The following AVIL variants were observed in gnomAD, a reference collection of about 807,000 sequenced individuals.
AVIL encodes advillin.
A neutral mutation model predicts 109.9 loss-of-function variants in AVIL; 78 were observed. That is an observed-to-expected ratio of 0.71 (90% CI 0.59 to 0.86). The LOEUF (loss-of-function observed/expected upper bound fraction) is 0.86. Ranked by LOEUF, AVIL falls within the 40% of genes least tolerant of loss-of-function variation. The pLI is 0.00. For missense variants in AVIL, 892 were observed against 1,016.5 expected (o/e 0.88, Z 1.67); for synonymous variants, 367 against 379.1 (o/e 0.97, Z 0.37).
Position 57,807,663 on chromosome 12 carries a change from C to G in AVIL, c.1259G>C (p.Gly420Ala), listed in dbSNP as rs1209027562. Residue 420 changes from glycine to alanine, a missense_variant, in exon 12 of 20, where the codon GGG becomes GCG. Gly to Ala is a moderately conservative substitution (Grantham distance 60). Transcript: ENST00000549994. Reference protein sequence around the residue: ...VEYQWYGFFYGGDCYLVLYTY... With the variant: ...VEYQWYGFFYAGDCYLVLYTY... ...GTAGAGGACCAGATAACAGTCTCCC[C>G]CATAAAAGAAGCCATACCATTGATA... is the stretch of plus-strand genomic sequence containing the variant. 1.2e-6 allele frequency: 2 copies of G among 1,614,042 alleles called. No homozygotes were observed. The highest frequency in any genetic ancestry group is 2.7e-5 in the African/African-American group (2 of 74,928).
chr12:57,808,169 C>T, intron 11 of AVIL, 25 bp downstream of exon 11: 1 of 1,611,008 alleles, frequency 6.2e-7, no homozygotes, highest in Non-Finnish European at 8.5e-7. Flanking sequence ...GCTGTCTGCC[C>T]TGACATTTGA....
chr12:57,808,086 G>A (rs1168475120), intron 11 of AVIL, 108 bp downstream of exon 11: 13 of 1,296,796 alleles, frequency 1.0e-5, no homozygotes, highest in African/African-American at 4.4e-5. Context: ...GGTGCCGGAG[G>A]GGAAAGGGAA....
At chr12:57,801,434 A>G (rs1955846203) in intron 17 of AVIL, 2 of 382,236 alleles carry the variant, frequency 5.2e-6, no homozygotes, top group South Asian at 2.8e-5. Context: ...TCCTCCCAAT[A>G]AGATTTAAGA....
chr12:57,805,562 T>C (rs1042441403), intron 14 of AVIL, among the ~76,000 whole-genome samples: 1 of 150,774 alleles, frequency 6.6e-6, no homozygotes, highest in African/African-American at 2.4e-5. Context: ...AGATGGAGTT[T>C]CACTCTTGTT....
intron 3 of AVIL, 61 bp from the exon 4 acceptor site, chr12:57,813,484 CCT>C (rs755923606): frequency 9.9e-6 from 15 of 1,516,656 alleles, no homozygotes; most frequent in African/African-American, 1.4e-5. Flanking sequence ...GCTGCTGGCC[CCT>C]GTTATGGGGA....
chr12:57,799,703 G>T, intron 19 of AVIL, 92 bp downstream of exon 19: 1 of 1,554,184 alleles, frequency 6.4e-7, no homozygotes. Context: ...CGGCTACAAT[G>T]TGCCGGAGCT....
intron 14 of AVIL, among the ~76,000 whole-genome samples, chr12:57,805,455 A>G (rs911679008): frequency 1.3e-5 from 2 of 151,870 alleles, no homozygotes; most frequent in African/African-American, 4.8e-5. Context: ...CCAAATTCAC[A>G]TGGGAAGATT....
intron 16 of AVIL, chr12:57,802,717 G>A: frequency 1.6e-6 from 1 of 606,672 alleles, no homozygotes; most frequent in Non-Finnish European, 2.9e-6. Flanking sequence ...TTTGATAGGT[G>A]GTATCTATCT....
At chr12:57,813,054 G>A (rs1466001446) in intron 4 of AVIL, among the ~76,000 whole-genome samples, 173 bp downstream of exon 4, 1 of 152,198 alleles carries the variant, frequency 6.6e-6, no homozygotes, top group Non-Finnish European at 1.5e-5. Context: ...CCATAGCCTT[G>A]CCAACACTTG....
chr12:57,811,027 C>T lies in AVIL; in HGVS notation c.439G>A (p.Ala147Thr), dbSNP rs376649962. Residue 147 changes from alanine (A) to threonine (T), a missense_variant, in exon 5 of 20, where the codon GCT becomes ACT. Physicochemically the swap from Ala to Thr is moderately conservative, Grantham distance 58 (BLOSUM62 0). Transcript: ENST00000549994. Reference protein sequence around the residue: ...LHVKGKRNIRATEVEMSWDSF... With the variant: ...LHVKGKRNIRTTEVEMSWDSF... ...GAGTGTGCAGGACTAACCTCGGTAGCCCTGATGTTTCTTTTCCCTTTCACA... is the reference window on the plus strand; with the variant it reads ...GAGTGTGCAGGACTAACCTCGGTAGTCCTGATGTTTCTTTTCCCTTTCACA... 6.8e-6 allele frequency: 11 copies of T among 1,614,058 alleles called. No individual in the cohort carries two copies. In the Admixed American group the frequency reaches 8.3e-5, roughly 12 times the overall value.
chr12:57,808,633 C>T lies in AVIL; in HGVS notation c.940-85G>A, dbSNP rs562738273. On this transcript the variant is annotated intron_variant, in intron 9 of 19. Transcript: ENST00000549994. ...TGTCTGGTAATTCACCTCTATGAAG[C>T]CACATGATATAAGCGTCTCCCCTCT... 5 of 1,506,516 alleles carry T rather than the reference C, an allele frequency of 3.3e-6. No individual in the cohort carries two copies. In the East Asian group the frequency reaches 1.2e-4, roughly 35 times the overall value. The allele number at this position is 1,506,516 out of a possible 1,614,324, so 93.3% of individuals were successfully genotyped here. A position where few individuals can be genotyped will look rare whatever the true frequency, so the allele number is the denominator to read the frequency against.
intron 4 of AVIL, 102 bp downstream of exon 4, chr12:57,813,125 T>C: frequency 7.2e-7 from 1 of 1,382,058 alleles, no homozygotes; most frequent in South Asian, 1.4e-5. Flanking sequence ...TTGTTTTGAT[T>C]TGCATTTCTC....
intron 14 of AVIL, among the ~76,000 whole-genome samples, chr12:57,805,578 G>A (rs1409321821): frequency 6.6e-6 from 1 of 150,892 alleles, no homozygotes. Flanking sequence ...TTGTTGCCCA[G>A]GCTGGAGTGC....
Position 57,799,937 on chromosome 12 carries a change from T to G in AVIL, c.2221-17A>C. 6.2e-7 allele frequency: 1 copy of G among 1,613,978 alleles called. No individual in the cohort carries two copies. The highest frequency in any genetic ancestry group is 8.5e-7 in the Non-Finnish European group (1 of 1,179,832). On this transcript the variant is annotated splice_polypyrimidine_tract_variant and intron_variant, in intron 18 of 19. Transcript: ENST00000549994. Reference sequence around the variant, plus strand: ...CTTCATGTCCTAGGTAAGATAAGAATGTAGGCACAGGGAAAAGACTCCTCA... The same window carrying G: ...CTTCATGTCCTAGGTAAGATAAGAAGGTAGGCACAGGGAAAAGACTCCTCA...
intron 4 of AVIL, 150 bp from the exon 5 acceptor site, chr12:57,811,277 T>C (rs1956034995): frequency 3.2e-5 from 23 of 710,436 alleles, no homozygotes; most frequent in Middle Eastern, 7.4e-4. Flanking sequence ...GCCCCACAAG[T>C]AGACTGGGTG....
In AVIL at chr12:57,798,643, T is replaced by G. The variant is rs577741114; in HGVS notation, c.2347-648A>C. On this transcript the variant is annotated intron_variant, in intron 19 of 19. Coordinates refer to ENST00000549994, the MANE Select transcript of AVIL (RefSeq NM_006576.4). The stretch of plus-strand genomic sequence containing the variant: ...TTCTTTTTTTTTTTTTTGAGACAGA[T>G]TCTTGCTTTGTGGCCCAGGCTGGAG... 2.3e-4 allele frequency among the ~76,000 whole-genome samples: 34 copies of G among 150,818 alleles called. 1 individual carries two copies. The highest frequency in any genetic ancestry group is 8.3e-4 in the African/African-American group (34 of 40,994).
chr12:57,803,177 G>T, intron 16 of AVIL, 70 bp downstream of exon 16: 2 of 1,583,946 alleles, frequency 1.3e-6, no homozygotes, highest in South Asian at 2.2e-5. Context: ...CTAGGGTGGG[G>T]ATACTACACA....
intron 1 of AVIL, among the ~76,000 whole-genome samples, chr12:57,818,060 CCAGG>C (rs2140465273): frequency 6.6e-6 from 1 of 152,018 alleles, no homozygotes; most frequent in African/African-American, 2.4e-5. Context: ...GCTCTGTCAC[CCAGG>C]CTGGAGTGCA....
intron 6 of AVIL, 96 bp downstream of exon 6, chr12:57,810,720 C>T: frequency 2.1e-6 from 3 of 1,457,722 alleles, no homozygotes; most frequent in Non-Finnish European, 2.9e-6. Flanking sequence ...AGATTCTACT[C>T]AAAGGCAGGG....
Sources: gnomAD v4.1 joint callset for allele counts (sites outside exome capture counted in the v4.1 genomes callset) on GRCh38, gnomAD v4.1.1 for gene constraint, MANE v1.5 for transcripts, NCBI Gene and HGNC (gene_info 2026-07-23, HGNC 2026-07-21) for gene names.